GGA3: variants seen among roughly 807,000 people sequenced by gnomAD.
The protein encoded by GGA3 is ADP-ribosylation factor-binding protein GGA3.
GGA3 carries 57 observed loss-of-function variants against 77.5 expected under a neutral mutation model. That is an observed-to-expected ratio of 0.74 (90% CI 0.59 to 0.92). The LOEUF is 0.92. GGA3 is among the 40% of genes least tolerant of loss of function. GGA3 has a pLI of 0.00. For missense variants in GGA3, 970 were observed against 914.9 expected (o/e 1.06, Z -0.78); for synonymous variants, 416 against 383.7 (o/e 1.08, Z -0.98).
At chr17:75,259,497 C>T (rs1250751569) in intron 1 of GGA3, among the ~76,000 whole-genome samples, 1 of 152,104 alleles carries the variant, frequency 6.6e-6, no homozygotes, top group Non-Finnish European at 1.5e-5. Context: ...AAACCAAGAA[C>T]ATCAGACTGA....
At position 75,237,849 on chromosome 17, in the gene GGA3, G is replaced by T; in HGVS notation, c.*430C>A. The T allele has an allele frequency of 7.1e-7, 1 of 1,409,808 alleles. No homozygotes were observed. The highest frequency in any genetic ancestry group is 9.2e-7 in the Non-Finnish European group (1 of 1,087,138). 87.3% of individuals were successfully genotyped at this position (1,409,808 alleles called of 1,614,324 possible). On this transcript the variant is annotated 3_prime_UTR_variant, in exon 17 of 17. Transcript: ENST00000537686. Reference sequence around the variant, plus strand: ...CAACAGGGCTGCAGCCCCTTGGGCCGTGCATCTGTCAGGTGTGAGGATGTG... The same window carrying T: ...CAACAGGGCTGCAGCCCCTTGGGCCTTGCATCTGTCAGGTGTGAGGATGTG...
chr17:75,239,750 C>G, intron 13 of GGA3, 39 bp downstream of exon 13: 1 of 1,605,760 alleles, frequency 6.2e-7, no homozygotes, highest in Non-Finnish European at 8.5e-7. Context: ...ACATTCAGGC[C>G]CAACCCTCAG....
rs1237807248 is a variant in GGA3 at position 75,246,758 on chromosome 17, C to T, written c.79G>A (p.Glu27Lys). 2 of 1,613,684 alleles carry T rather than the reference C, an allele frequency of 1.2e-6. No homozygotes were observed. Among genetic ancestry groups the T allele is most frequent in the Non-Finnish European group, 1.7e-6 (2 of 1,179,950 alleles). ...TGATCACAGAAGCCAATTATGTATT[C>T]CCAGTCCTCCTGGCGGTTGGAAGGA... ...TNPSNRQEDW[E>K]YIIGFCDQIN... The change falls in exon 2 of 17, where the codon GAA becomes AAA. Residue 27 changes from glutamate to lysine, a missense_variant. Transcript: ENST00000537686.
At chr17:75,242,120 T>A in intron 8 of GGA3, 1 of 611,532 alleles carries the variant, frequency 1.6e-6, no homozygotes, top group Non-Finnish European at 2.9e-6. Flanking sequence ...GGTTTCCATC[T>A]GGCCCTTACA....
chr17:75,246,311 T>A (rs1240505893), intron 3 of GGA3, among the ~76,000 whole-genome samples, 198 bp downstream of exon 3: 1 of 152,216 alleles, frequency 6.6e-6, no homozygotes, highest in Non-Finnish European at 1.5e-5. Context: ...TGCAGTCACC[T>A]CTGAGGCCTC....
Position 75,238,910 on chromosome 17 carries a change from G to A in GGA3, c.1950+4C>T. On this transcript the variant is annotated splice_donor_region_variant and intron_variant, in intron 15 of 16. Coordinates refer to ENST00000537686, the MANE Select transcript of GGA3 (RefSeq NM_138619.4). ...CCGTTTTGGCCCCAGGGAGACACTG[G>A]TACCTTGGGCACTGCAGCCTGCAGC... 2 of 1,613,612 alleles carry A rather than the reference G, an allele frequency of 1.2e-6. No homozygotes were observed. The highest frequency in any genetic ancestry group is 1.7e-5 in the Admixed American group (1 of 59,966).
chr17:75,251,773 CTTTT>C (rs112695506), intron 1 of GGA3, among the ~76,000 whole-genome samples: 2 of 146,754 alleles, frequency 1.4e-5, no homozygotes, highest in African/African-American at 5.0e-5. Context: ...TTTCTTCTTC[CTTTT>C]TTTTTCTTTT....
At position 75,239,127 on chromosome 17, in the gene GGA3, C is replaced by T. The variant is rs781459813; in HGVS notation, c.1781-44G>A. 68 of 1,574,598 alleles carry T rather than the reference C, an allele frequency of 4.3e-5. No individual in the cohort carries two copies. In the East Asian group the frequency reaches 1.5e-3, roughly 35 times the overall value. On this transcript the variant is annotated intron_variant, in intron 14 of 16. Coordinates refer to ENST00000537686, the MANE Select transcript of GGA3 (RefSeq NM_138619.4). ...AGTGTGGGAGGAGCAGCACCAGAGACACCCAACAGAGCCCCGGCGGTGAGG... is the reference window on the plus strand; with the variant it reads ...AGTGTGGGAGGAGCAGCACCAGAGATACCCAACAGAGCCCCGGCGGTGAGG...
chr17:75,262,170 T>C (rs2077411397), upstream of GGA3: 8 of 723,890 alleles, frequency 1.1e-5, no homozygotes, highest in Non-Finnish European at 4.5e-6. Flanking sequence ...CTAAGGAGTC[T>C]GGCTGATCTA....
At chr17:75,243,260 T>C (rs746560371) in intron 5 of GGA3, 94 bp from the exon 6 acceptor site, 1 of 1,153,070 alleles carries the variant, frequency 8.7e-7, no homozygotes, top group Non-Finnish European at 1.3e-6. Flanking sequence ...GATCAAGACC[T>C]GCAAAGGGTA....
At chr17:75,239,207 G>T (rs545962144) in intron 14 of GGA3, 124 bp from the exon 15 acceptor site, 7 of 1,022,706 alleles carry the variant, frequency 6.8e-6, no homozygotes, top group South Asian at 4.9e-5. Flanking sequence ...ACGGAATCTG[G>T]GAGAGGCGCT....
chr17:75,248,807 C>CAAAAAAAAAAA lies in GGA3; in HGVS notation c.41-2012_41-2011insTTTTTTTTTTT, dbSNP rs757444669. On this transcript the variant is annotated intron_variant, in intron 1 of 16. Coordinates refer to ENST00000537686, the MANE Select transcript of GGA3 (RefSeq NM_138619.4). Reference sequence around the variant, plus strand: ...TCTAAAAAAAAAACAAAAACAAAAACAAAAAAAACAAAACAAAAAAAAAAA... The same window carrying CAAAAAAAAAAA: ...TCTAAAAAAAAAACAAAAACAAAAACAAAAAAAAAAAAAAAAAAACAAAACAAAAAAAAAAA... The CAAAAAAAAAAA allele has an allele frequency of 2.2e-5, 5 of 222,532 alleles. No homozygotes were observed. In the African/African-American group the frequency reaches 8.4e-4, roughly 37 times the overall value. The allele number at this position is 222,532 out of a possible 1,614,324, so 13.8% of individuals were successfully genotyped here. A position where few individuals can be genotyped will look rare whatever the true frequency, so the allele number is the denominator to read the frequency against.
chr17:75,246,120 C>T (rs2076747659), intron 3 of GGA3, among the ~76,000 whole-genome samples: 1 of 152,246 alleles, frequency 6.6e-6, no homozygotes, highest in Non-Finnish European at 1.5e-5. Flanking sequence ...ACAGAATGAA[C>T]TGGACCGACC....
At chr17:75,239,184 C>A in intron 14 of GGA3, 101 bp from the exon 15 acceptor site, 1 of 1,120,648 alleles carries the variant, frequency 8.9e-7, no homozygotes, top group Non-Finnish European at 1.3e-6. Flanking sequence ...CATGATGAGT[C>A]CAGTGCTTCC....
intron 4 of GGA3, 28 bp downstream of exon 4, chr17:75,244,590 TA>T: frequency 1.4e-6 from 2 of 1,430,202 alleles, no homozygotes; most frequent in Non-Finnish European, 2.0e-6. Flanking sequence ...AAGAAGTCCC[TA>T]AAAGCGAGGA....
intron 15 of GGA3, 32 bp from the exon 16 acceptor site, chr17:75,238,794 T>A: frequency 1.3e-6 from 2 of 1,587,334 alleles, no homozygotes; most frequent in Non-Finnish European, 1.7e-6. Context: ...TGAAGAGAAC[T>A]GGTAGGTGCC....
In GGA3 at chr17:75,240,108, T is replaced by G; in HGVS notation, c.1264A>C (p.Arg422=). ...AGNSQWHLLQ[R]EQSDLDFFSP... ...AAGAAGTCCAGGTCGGACTGTTCCCTCTATGAACAACAGAAAGGGTGGTGA... is the reference window on the plus strand; with the variant it reads ...AAGAAGTCCAGGTCGGACTGTTCCCGCTATGAACAACAGAAAGGGTGGTGA... Residue 422 remains arginine, a splice_region_variant and synonymous_variant, in exon 13 of 17, where the codon AGG becomes CGG. Transcript: ENST00000537686. 6.8e-7 allele frequency: 1 copy of G among 1,471,580 alleles called. No individual in the cohort carries two copies. 91.2% of individuals were successfully genotyped at this position (1,471,580 alleles called of 1,614,324 possible).
intron 5 of GGA3, 92 bp downstream of exon 5, chr17:75,243,355 A>G: frequency 6.6e-7 from 1 of 1,504,966 alleles, no homozygotes; most frequent in Admixed American, 1.7e-5. Flanking sequence ...TCTCTTCAGG[A>G]GGGACTCTGG....
chr17:75,250,574 T>G (rs1240595734), intron 1 of GGA3, among the ~76,000 whole-genome samples: 5 of 150,000 alleles, frequency 3.3e-5, no homozygotes, highest in African/African-American at 9.9e-5. Context: ...ACCAGCCTGT[T>G]CAACATGGTG....
Sources: allele counts gnomAD v4.1 joint callset (sites outside exome capture counted in the v4.1 genomes callset), GRCh38; gene constraint gnomAD v4.1.1; transcripts MANE v1.5; gene names NCBI Gene and HGNC (gene_info 2026-07-23, HGNC 2026-07-21).